CFAP119: variants seen among roughly 807,000 people sequenced by gnomAD.
CFAP119 encodes cilia and flagella associated protein 119.
chr16:30,759,318 T>A, the CFAP119 span: 2 of 1,612,330 alleles, frequency 1.2e-6, no homozygotes, highest in African/African-American at 2.7e-5. Context: ...TGAGGGTGGC[T>A]CCTCATGGTC....
the CFAP119 span, chr16:30,761,333 G>A: frequency 1.9e-6 from 3 of 1,538,738 alleles, no homozygotes; most frequent in East Asian, 2.2e-5. Flanking sequence ...CTCATCTCAA[G>A]GACTAAGGAG....
the CFAP119 span, chr16:30,761,159 C>T: frequency 6.2e-7 from 1 of 1,607,454 alleles, no homozygotes; most frequent in Admixed American, 1.7e-5. Context: ...CAATAAAGAA[C>T]GCAAATATTC....
At chr16:30,759,738 C>A in the CFAP119 span, 2 of 1,598,980 alleles carry the variant, frequency 1.3e-6, no homozygotes, top group Non-Finnish European at 1.7e-6. Flanking sequence ...GTAGGGAAAG[C>A]AAGATGCAGC....
the CFAP119 span, chr16:30,757,909 T>A: frequency 1.1e-6 from 1 of 946,992 alleles, no homozygotes. Flanking sequence ...TTATTTAACC[T>A]ATCTGTGCCT....
chr16:30,759,605 C>A, the CFAP119 span: 12 of 1,614,082 alleles, frequency 7.4e-6, no homozygotes, highest in African/African-American at 1.3e-4. Context: ...CTGGGTGAGA[C>A]CTTGTCTGGG....
At chr16:30,761,125 C>T in the CFAP119 span, 1 of 1,543,278 alleles carries the variant, frequency 6.5e-7, no homozygotes, top group African/African-American at 1.4e-5. Flanking sequence ...GATGCCCTGG[C>T]CACAGACAGG....
the CFAP119 span, chr16:30,761,024 C>T: frequency 2.9e-6 from 2 of 679,040 alleles, no homozygotes; most frequent in Non-Finnish European, 2.5e-6. Flanking sequence ...TCTCACACTG[C>T]CTCCTCTTTG....
chr16:30,761,917 C>G, the CFAP119 span: 5 of 670,540 alleles, frequency 7.5e-6, no homozygotes, highest in Non-Finnish European at 1.2e-5. Flanking sequence ...CTCCCTCCGT[C>G]TCAACGGCGA....
At chr16:30,761,709 C>T in the CFAP119 span, 2 of 1,531,940 alleles carry the variant, frequency 1.3e-6, no homozygotes, top group East Asian at 2.5e-5. Flanking sequence ...TCCGACTGCA[C>T]CCTCATTCCC....
chr16:30,760,700 G>GC, the CFAP119 span: 2 of 1,543,974 alleles, frequency 1.3e-6, no homozygotes, highest in Admixed American at 2.0e-5. Context: ...AGTATTGGTG[G>GC]CCGTTACCTA....
the CFAP119 span, chr16:30,761,768 G>C: frequency 6.6e-7 from 1 of 1,507,948 alleles, no homozygotes; most frequent in Non-Finnish European, 8.9e-7. Flanking sequence ...CTTCCGTGCC[G>C]CGAGGCGCCC....
chr16:30,757,501 C>T, the CFAP119 span: 1 of 1,614,050 alleles, frequency 6.2e-7, no homozygotes, highest in African/African-American at 1.3e-5. Context: ...CTTGCCTTTA[C>T]CCGGAGGTAG....
chr16:30,762,046 T>C, the CFAP119 span: 1 of 460,368 alleles, frequency 2.2e-6, no homozygotes, highest in Non-Finnish European at 3.8e-6. Flanking sequence ...GCGCCCTCTC[T>C]TCCAGGTTGC....
chr16:30,761,709 C>G, the CFAP119 span: 1 of 1,531,940 alleles, frequency 6.5e-7, no homozygotes, highest in African/African-American at 1.4e-5. Context: ...TCCGACTGCA[C>G]CCTCATTCCC....
At chr16:30,759,578 G>A in the CFAP119 span, 1 of 1,614,104 alleles carries the variant, frequency 6.2e-7, no homozygotes, top group Non-Finnish European at 8.5e-7. Flanking sequence ...AGATAAGGGT[G>A]ATGAATGTGA....
chr16:30,761,663 C>A, the CFAP119 span: 50 of 1,535,794 alleles, frequency 3.3e-5, no homozygotes, highest in Non-Finnish European at 4.3e-5. Context: ...GCGATCCTTC[C>A]CCGCTTCCCG....
the CFAP119 span, chr16:30,761,745 G>A: frequency 1.3e-6 from 2 of 1,522,040 alleles, no homozygotes; most frequent in Non-Finnish European, 1.8e-6. Flanking sequence ...TTGCGGTTGA[G>A]CATCTCGCCG....
chr16:30,760,462 GGA>G, the CFAP119 span: 3 of 1,613,624 alleles, frequency 1.9e-6, no homozygotes, highest in East Asian at 2.2e-5. Context: ...CCCTTGGGAG[GGA>G]GAGAGGAGTG....
the CFAP119 span, chr16:30,758,245 G>C: frequency 6.6e-6 from 1 of 152,184 alleles, no homozygotes; most frequent in Non-Finnish European, 1.5e-5. Flanking sequence ...CTAACTTTTT[G>C]TATTTTTAGT....
Sources: allele counts gnomAD v4.1 joint callset, GRCh38; gene constraint gnomAD v4.1.1; transcripts MANE v1.5; gene names NCBI Gene and HGNC (gene_info 2026-07-23, HGNC 2026-07-21).